The following FAM169A variants were observed in gnomAD, a reference collection of about 807,000 sequenced individuals.
The protein encoded by FAM169A is family with sequence similarity 169 member A.
Under a neutral mutation model 75.7 loss-of-function variants are expected in FAM169A, and 24 were observed. The observed-to-expected ratio is 0.32, with a 90% CI of 0.23 to 0.45. The LOEUF (loss-of-function observed/expected upper bound fraction) is 0.45. FAM169A is among the 20% of genes least tolerant of loss of function. The pLI, the probability that FAM169A is intolerant of heterozygous loss-of-function variation, is 1.00. For missense variants in FAM169A, 673 were observed against 784.0 expected (o/e 0.86, Z 1.69); for synonymous variants, 271 against 271.0 (o/e 1.00, Z 0.00).
intron 6 of FAM169A, among the ~76,000 whole-genome samples, chr5:74,806,466 G>A (rs1195935634): frequency 6.8e-6 from 1 of 147,418 alleles, no homozygotes; most frequent in East Asian, 1.9e-4. Flanking sequence ...ATACCTCTAG[G>A]ACATTAGGGT....
At chr5:74,794,340 G>A (rs905426298) in intron 11 of FAM169A, among the ~76,000 whole-genome samples, 22 of 151,262 alleles carry the variant, frequency 1.5e-4, no homozygotes, top group African/African-American at 5.3e-4. Context: ...CTTGCAGTGA[G>A]CCGAGATTGT....
intron 5 of FAM169A, among the ~76,000 whole-genome samples, chr5:74,825,470 A>G (rs1203991175): frequency 7.2e-5 from 11 of 152,204 alleles, no homozygotes; most frequent in Non-Finnish European, 1.5e-5. Flanking sequence ...AACAAAGAGC[A>G]GCTCCACAAC....
chr5:74,798,068 T>C (rs1746371045), intron 10 of FAM169A, among the ~76,000 whole-genome samples: 1 of 152,204 alleles, frequency 6.6e-6, no homozygotes, highest in Non-Finnish European at 1.5e-5. Flanking sequence ...TTGTTGAGTT[T>C]CTACTTATCT....
chr5:74,780,170 A>G lies in FAM169A; in HGVS notation c.*1290T>C, dbSNP rs1010739799. ...GGCCTTTGTTATGGCAACACAATAT[A>G]TACTTAACAGGCCAGCTTGCAACCA... On this transcript the variant is annotated 3_prime_UTR_variant, in exon 13 of 13. Transcript: ENST00000687041. The G allele has an allele frequency of 3.5e-4, 53 of 152,194 alleles. No homozygotes were observed. The highest frequency in any genetic ancestry group is 1.3e-3 in the African/African-American group (52 of 41,450). The allele number at this position is 152,194 out of a possible 1,614,324, so 9.4% of individuals were successfully genotyped here.
chr5:74,792,543 TTGCTCCCC>T (rs1253866267), intron 11 of FAM169A, among the ~76,000 whole-genome samples: 1 of 136,412 alleles, frequency 7.3e-6, no homozygotes, highest in Non-Finnish European at 1.6e-5. Context: ...CCTTGCTCCC[TTGCTCCCC>T]ACCTTGCAGA....
At chr5:74,810,818 C>A in intron 6 of FAM169A, among the ~76,000 whole-genome samples, 1 of 120,662 alleles carries the variant, frequency 8.3e-6, no homozygotes. Context: ...AGATATTTGC[C>A]CTTTTTTTTT....
chr5:74,860,061 A>T (rs1580177936), intron 1 of FAM169A, among the ~76,000 whole-genome samples: 1 of 152,130 alleles, frequency 6.6e-6, no homozygotes. Flanking sequence ...TTTGAGATAA[A>T]TTCTGTAATA....
intron 12 of FAM169A, among the ~76,000 whole-genome samples, chr5:74,782,320 G>GT (rs201841404): frequency 2.5e-3 from 387 of 152,132 alleles, no homozygotes; most frequent in Admixed American, 4.1e-3. Flanking sequence ...AATCAACTCA[G>GT]TTTTTTTAGT....
At chr5:74,866,106 C>T in intron 1 of FAM169A, 59 bp downstream of exon 1, 2 of 869,318 alleles carry the variant, frequency 2.3e-6, no homozygotes, top group Non-Finnish European at 2.8e-6. Flanking sequence ...GCGCGGGGCC[C>T]GGCGCGGCCG....
chr5:74,854,983 G>C (rs535553708), intron 1 of FAM169A, among the ~76,000 whole-genome samples: 1 of 152,114 alleles, frequency 6.6e-6, no homozygotes, highest in African/African-American at 2.4e-5. Context: ...CCAAGCAGTG[G>C]GATTGCTGGA....
intron 1 of FAM169A, among the ~76,000 whole-genome samples, chr5:74,861,012 C>T (rs556035649): frequency 2.0e-5 from 3 of 152,194 alleles, no homozygotes; most frequent in Non-Finnish European, 4.4e-5. Flanking sequence ...CGGCGTGCAT[C>T]TGCAATCCCA....
chr5:74,799,780 C>A, intron 10 of FAM169A: 1 of 1,112,022 alleles, frequency 9.0e-7, no homozygotes, highest in Non-Finnish European at 1.4e-6. Context: ...GCCGTGGCTG[C>A]TGGCCATGAC....
At chr5:74,811,110 A>G (rs1747171931) in intron 6 of FAM169A, among the ~76,000 whole-genome samples, 2 of 150,946 alleles carry the variant, frequency 1.3e-5, no homozygotes, top group South Asian at 4.2e-4. Flanking sequence ...CAGCCTTCTG[A>G]GTAGCTGGGA....
intron 1 of FAM169A, among the ~76,000 whole-genome samples, chr5:74,862,771 T>C (rs1035716036): frequency 6.6e-6 from 1 of 152,234 alleles, no homozygotes; most frequent in Non-Finnish European, 1.5e-5. Flanking sequence ...GGCGCTTTTT[T>C]AAAAATGCAA....
intron 10 of FAM169A, among the ~76,000 whole-genome samples, 182 bp downstream of exon 10, chr5:74,800,698 C>A (rs1462894424): frequency 1.3e-5 from 2 of 151,500 alleles, no homozygotes; most frequent in African/African-American, 4.8e-5. Context: ...GTAATCGCCT[C>A]TACCTTAAAT....
intron 6 of FAM169A, among the ~76,000 whole-genome samples, chr5:74,811,103 C>G (rs1431905914): frequency 1.3e-5 from 2 of 151,602 alleles, no homozygotes; most frequent in African/African-American, 4.8e-5. Flanking sequence ...GGTGACTCAG[C>G]CTTCTGAGTA....
rs149247768 is a variant in FAM169A, at chr5:74,850,241, G to A, written c.-3-8562C>T. On this transcript the variant is annotated intron_variant, in intron 1 of 12. Transcript: ENST00000687041. ...ACACTACTAGTAAGCAGCAGAGCTA[G>A]TATTTGAACCCGGCAGTCGGACTCC... Among the ~76,000 whole-genome samples the A allele has an allele frequency of 2.0e-5, 3 of 152,318 alleles. No individual in the cohort carries two copies. The East Asian group carries it at 5.8e-4, about 29-fold the overall frequency.
At position 74,800,009 on chromosome 5, in the gene FAM169A, T is replaced by C. The variant is rs148938807; in HGVS notation, c.1103+871A>G. The C allele has an allele frequency of 3.9e-4, 301 of 778,428 alleles. 2 individuals carry two copies. In the African/African-American group the frequency reaches 4.5e-3, roughly 12 times the overall value. The allele number at this position is 778,428 out of a possible 1,614,324, so 48.2% of individuals were successfully genotyped here. On this transcript the variant is annotated intron_variant, in intron 10 of 12. Coordinates refer to ENST00000687041, the MANE Select transcript of FAM169A (RefSeq NM_001376049.1). ...CTATTTATGAGGTGGATGAGAAAGA[T>C]TGTCGCAAATATTGCACTACTGGCA...
intron 1 of FAM169A, among the ~76,000 whole-genome samples, chr5:74,853,942 TAAA>T (rs879578990): frequency 6.9e-6 from 1 of 144,930 alleles, no homozygotes; most frequent in East Asian, 2.0e-4. Flanking sequence ...AAGCTGAAGT[TAAA>T]AAAAAAAAGA....
Sources: allele counts gnomAD v4.1 joint callset (sites outside exome capture counted in the v4.1 genomes callset), GRCh38; gene constraint gnomAD v4.1.1; transcripts MANE v1.5; gene names NCBI Gene and HGNC (gene_info 2026-07-23, HGNC 2026-07-21).